The following DNAAF9 variants were observed in gnomAD, a reference collection of about 807,000 sequenced individuals.
DNAAF9 encodes the protein dynein axonemal assembly factor 9, also known as shulin.
Under a neutral mutation model 167.0 loss-of-function variants are expected in DNAAF9, and 90 were observed. That is an observed-to-expected ratio of 0.54 (90% CI 0.45 to 0.64). The LOEUF (loss-of-function observed/expected upper bound fraction) is 0.64. DNAAF9 is among the 30% of genes least tolerant of loss of function. DNAAF9 has a pLI of 0.00. For synonymous variants in DNAAF9, 491 were observed against 508.8 expected, an observed-to-expected ratio of 0.96 and a Z score of 0.47; for missense variants, 1,315 against 1,442.2, an observed-to-expected ratio of 0.91 and a Z score of 1.43.
At chr20:3,316,890 CTTTTT>C (rs11424663) in intron 17 of DNAAF9, 97 bp from the exon 18 acceptor site, 324 of 250,268 alleles carry the variant, frequency 1.3e-3, no homozygotes, top group East Asian at 2.6e-3. Flanking sequence ...AGCTAGGGTT[CTTTTT>C]TTTTTTTTTT....
rs191147753 is a variant in DNAAF9, at chr20:3,306,335, T to G, written c.1679-1792A>C. ...CGCATTTTCCCCTATTGCTCAGAAA[T>G]TTCTGATATTCTTCTCATCCACATC... On this transcript the variant is annotated intron_variant, in intron 20 of 36. Coordinates refer to ENST00000252032, the MANE Select transcript of DNAAF9 (RefSeq NM_001009984.3). Among the ~76,000 whole-genome samples, 429 of 152,296 alleles carry G rather than the reference T, an allele frequency of 2.8e-3. 2 individuals carry two copies. Among genetic ancestry groups the G allele is most frequent in the African/African-American group, 9.8e-3 (406 of 41,554 alleles).
At chr20:3,316,827 C>T in intron 17 of DNAAF9, 34 bp from the exon 18 acceptor site, 1 of 1,550,292 alleles carries the variant, frequency 6.5e-7, no homozygotes, top group South Asian at 1.1e-5. Flanking sequence ...CAGTTAATTC[C>T]CTACCAGCTC....
At chr20:3,255,321 G>A (rs779841834) in intron 34 of DNAAF9, 37 bp from the exon 35 acceptor site, 4 of 1,364,058 alleles carry the variant, frequency 2.9e-6, no homozygotes, top group Non-Finnish European at 2.0e-6. Flanking sequence ...GGTCCCAGCA[G>A]AACTCATGGA....
chr20:3,253,168 G>A (rs1295989811), intron 36 of DNAAF9, among the ~76,000 whole-genome samples: 11 of 152,084 alleles, frequency 7.2e-5, no homozygotes, highest in Admixed American at 2.0e-4. Flanking sequence ...TAAGCTGGGC[G>A]CGGTGGCTCA....
chr20:3,292,516 C>A (rs2068978360), intron 25 of DNAAF9, among the ~76,000 whole-genome samples: 1 of 152,070 alleles, frequency 6.6e-6, no homozygotes, highest in South Asian at 2.1e-4. Context: ...TCTGTAAACC[C>A]AGCACTTTGG....
intron 1 of DNAAF9, among the ~76,000 whole-genome samples, chr20:3,399,764 A>G (rs2083958568): frequency 6.9e-6 from 1 of 144,514 alleles, no homozygotes; most frequent in Non-Finnish European, 1.6e-5. Context: ...CCACCTGCTA[A>G]AAGACAGCAG....
At chr20:3,326,499 A>G (rs1027629201) in intron 12 of DNAAF9, among the ~76,000 whole-genome samples, 1 of 152,210 alleles carries the variant, frequency 6.6e-6, no homozygotes, top group Non-Finnish European at 1.5e-5. Context: ...TGGGAGGCTG[A>G]GATGGGCAGA....
rs10522445 is a variant in DNAAF9 at position 3,394,949 on chromosome 20, C to CTTTTTTTTTT, written c.84-12453_84-12444dup. Among the ~76,000 whole-genome samples, 338 of 102,088 alleles carry CTTTTTTTTTT rather than the reference C, an allele frequency of 3.3e-3. 22 individuals are homozygous for CTTTTTTTTTT. Among genetic ancestry groups the CTTTTTTTTTT allele is most frequent in the Non-Finnish European group, 4.7e-3 (248 of 52,726 alleles). The allele number at this position is 102,088 out of a possible 152,430, so 67.0% of individuals were successfully genotyped here. ...GCTTTTACTGAACATTTTCTTTTTT[C>CTTTTTTTTTT]TTTTTTTTTTTTTTTTTTTTTTTTT... On this transcript the variant is annotated intron_variant, in intron 1 of 36. Transcript: ENST00000252032.
At chr20:3,273,915 G>C (rs1370197552) in intron 29 of DNAAF9, among the ~76,000 whole-genome samples, 1 of 152,018 alleles carries the variant, frequency 6.6e-6, no homozygotes, top group South Asian at 2.1e-4. Flanking sequence ...TTTTCCACAA[G>C]TAGTGACACA....
chr20:3,291,216 T>C (rs1459237236), intron 25 of DNAAF9, among the ~76,000 whole-genome samples: 1 of 152,158 alleles, frequency 6.6e-6, no homozygotes, highest in African/African-American at 2.4e-5. Flanking sequence ...TTCAGGTAGA[T>C]ATTCCAAAGC....
chr20:3,374,221 T>C (rs2083546805), intron 5 of DNAAF9, 67 bp from the exon 6 acceptor site: 4 of 1,071,270 alleles, frequency 3.7e-6, no homozygotes, highest in Non-Finnish European at 5.7e-6. Flanking sequence ...AAACCTGACC[T>C]AACATGGTTA....
At chr20:3,360,982 CA>C (rs1220399042) in intron 6 of DNAAF9, among the ~76,000 whole-genome samples, 1 of 152,122 alleles carries the variant, frequency 6.6e-6, no homozygotes, top group Non-Finnish European at 1.5e-5. Context: ...ACGCATCAGC[CA>C]ATGACAGCAG....
intron 6 of DNAAF9, among the ~76,000 whole-genome samples, chr20:3,369,030 G>A (rs1236162442): frequency 6.6e-6 from 1 of 151,990 alleles, no homozygotes; most frequent in Non-Finnish European, 1.5e-5. Flanking sequence ...TCGGGAGGTT[G>A]TGGCAGGAGA....
intron 20 of DNAAF9, among the ~76,000 whole-genome samples, chr20:3,313,098 G>T (rs757517300): frequency 2.0e-5 from 3 of 152,272 alleles, no homozygotes; most frequent in South Asian, 4.1e-4. Context: ...CAAATATCCC[G>T]GCTAAATATT....
At chr20:3,343,993 T>C (rs1411330480) in intron 8 of DNAAF9, among the ~76,000 whole-genome samples, 1 of 150,444 alleles carries the variant, frequency 6.6e-6, no homozygotes, top group African/African-American at 2.4e-5. Flanking sequence ...GCAAACAAAA[T>C]AATACCAAAA....
At chr20:3,407,381 T>G (rs962925282) in intron 1 of DNAAF9, 94 bp downstream of exon 1, 4 of 1,051,268 alleles carry the variant, frequency 3.8e-6, no homozygotes, top group South Asian at 7.0e-5. Context: ...GAGGAAGCCA[T>G]GTCGGACCAC....
At chr20:3,317,436 T>C (rs1358167148) in intron 17 of DNAAF9, among the ~76,000 whole-genome samples, 1 of 151,848 alleles carries the variant, frequency 6.6e-6, no homozygotes, top group Non-Finnish European at 1.5e-5. Context: ...CCACTACTTT[T>C]TAATTTTTAT....
chr20:3,293,311 A>T (rs2068998856), intron 25 of DNAAF9, among the ~76,000 whole-genome samples: 1 of 149,682 alleles, frequency 6.7e-6, no homozygotes, highest in East Asian at 1.9e-4. Context: ...AAAAAAAAAA[A>T]AAAAAAAAGA....
Position 3,314,681 on chromosome 20 carries a change from T to TTAATAAA in DNAAF9, c.1678+351_1678+352insTTTATTA, listed in dbSNP as rs879738269. Among the ~76,000 whole-genome samples the TTAATAAA allele has an allele frequency of 1.4e-4, 22 of 152,308 alleles. No homozygotes were observed. In the East Asian group the frequency reaches 3.7e-3, roughly 25 times the overall value. On this transcript the variant is annotated intron_variant, in intron 20 of 36. Coordinates refer to ENST00000252032, the MANE Select transcript of DNAAF9 (RefSeq NM_001009984.3). ...ACTGTGAGATAATAAGAGGGTGTTGTTTTAAGCTACTAAATTTGTGGTCAT... is the reference window on the plus strand; with the variant it reads ...ACTGTGAGATAATAAGAGGGTGTTGTTAATAAATTTAAGCTACTAAATTTGTGGTCAT...
Sources: gnomAD v4.1 joint callset for allele counts (sites outside exome capture counted in the v4.1 genomes callset) on GRCh38, gnomAD v4.1.1 for gene constraint, MANE v1.5 for transcripts, NCBI Gene and HGNC (gene_info 2026-07-23, HGNC 2026-07-21) for gene names.